The following DIAPH3 variants were observed in gnomAD, a reference collection of about 807,000 sequenced individuals.
The protein encoded by DIAPH3 is diaphanous related formin 3.
DIAPH3 carries 117 observed loss-of-function variants against 144.3 expected under a neutral mutation model. That is an observed-to-expected ratio of 0.81 (90% confidence interval 0.70 to 0.95). DIAPH3 has a LOEUF of 0.95. Ranked by LOEUF, DIAPH3 falls within the 40% of genes least tolerant of loss-of-function variation. DIAPH3 has a pLI of 0.00. For missense variants in DIAPH3, 1,421 were observed against 1,412.7 expected (o/e 1.01, Z -0.09); for synonymous variants, 519 against 488.9 (o/e 1.06, Z -0.81).
chr13:60,012,156 T>C (rs915331456), intron 7 of DIAPH3, among the ~76,000 whole-genome samples: 19 of 152,318 alleles, frequency 1.2e-4, no homozygotes, highest in Admixed American at 1.1e-3. Flanking sequence ...AGTACTTTGA[T>C]TGTGATAAAA....
intron 21 of DIAPH3, among the ~76,000 whole-genome samples, chr13:59,873,918 C>T (rs1040303184): frequency 1.3e-5 from 2 of 152,032 alleles, no homozygotes; most frequent in African/African-American, 4.8e-5. Flanking sequence ...GTGATAGGCC[C>T]GCCTCAGCCT....
At chr13:59,696,940 T>C (rs2033831249) in intron 27 of DIAPH3, among the ~76,000 whole-genome samples, 1 of 152,066 alleles carries the variant, frequency 6.6e-6, no homozygotes, top group South Asian at 2.1e-4. Context: ...TTCAAATGAA[T>C]TAGGGAATCA....
intron 9 of DIAPH3, among the ~76,000 whole-genome samples, chr13:59,995,102 C>CA (rs751814391): frequency 2.0e-5 from 3 of 151,702 alleles, no homozygotes; most frequent in Non-Finnish European, 4.4e-5. Context: ...AGCAGACATA[C>CA]AAAATGTAAG....
At chr13:59,951,015 T>C (rs2049068428) in intron 17 of DIAPH3, among the ~76,000 whole-genome samples, 1 of 152,146 alleles carries the variant, frequency 6.6e-6, no homozygotes. Context: ...AATGAATAAA[T>C]TATGGCAGCT....
rs1952415766 is a variant in DIAPH3, at chr13:60,163,743, C to A, written c.24G>T (p.Leu8=). MERHQPR[L]HHPAQGSAAG... is the part of the protein sequence containing the mutation. ...CGGCTGAGCCTTGGGCCGGGTGGTGCAGCCGCGGCTGGTGCCGTTCCATCT... is the reference window on the plus strand; with the variant it reads ...CGGCTGAGCCTTGGGCCGGGTGGTGAAGCCGCGGCTGGTGCCGTTCCATCT... The change falls in exon 1 of 28, where the codon CTG becomes CTT. Residue 8 remains leucine (L), a synonymous_variant. Coordinates refer to ENST00000400324, the MANE Select transcript of DIAPH3 (RefSeq NM_001042517.2). 3 of 1,600,920 alleles carry A rather than the reference C, an allele frequency of 1.9e-6. No homozygotes were observed.
intron 25 of DIAPH3, among the ~76,000 whole-genome samples, chr13:59,804,318 G>A (rs80040006): frequency 0.015 from 2,309 of 152,264 alleles, 53 homozygotes; most frequent in African/African-American, 0.051. Context: ...TCTAGTGACA[G>A]TTACCACAAT....
intron 17 of DIAPH3, among the ~76,000 whole-genome samples, chr13:59,938,583 T>A (rs2140367102): frequency 6.6e-6 from 1 of 151,828 alleles, no homozygotes; most frequent in East Asian, 1.9e-4. Flanking sequence ...CATTCTAGCC[T>A]GGGCAACAGA....
chr13:59,806,460 C>T (rs2040197884), intron 25 of DIAPH3, among the ~76,000 whole-genome samples: 1 of 151,986 alleles, frequency 6.6e-6, no homozygotes, highest in Admixed American at 6.5e-5. Flanking sequence ...TTACCAACTT[C>T]TGAGGATTTT....
intron 1 of DIAPH3, among the ~76,000 whole-genome samples, chr13:60,162,733 T>C (rs1790467575): frequency 6.6e-6 from 1 of 151,814 alleles, no homozygotes; most frequent in South Asian, 2.1e-4. Context: ...TTGTGAATCA[T>C]GACTTAAATT....
At chr13:59,917,984 T>C (rs1215697972) in intron 18 of DIAPH3, among the ~76,000 whole-genome samples, 1 of 125,704 alleles carries the variant, frequency 8.0e-6, no homozygotes, top group African/African-American at 3.0e-5. Context: ...GCAAAAAATA[T>C]AATCACTGAA....
At chr13:60,133,454 C>G (rs1256576599) in intron 1 of DIAPH3, among the ~76,000 whole-genome samples, 5 of 151,992 alleles carry the variant, frequency 3.3e-5, no homozygotes, top group Non-Finnish European at 5.9e-5. Context: ...CATTAGTATG[C>G]AGCATAATAG....
At chr13:60,160,889 G>A (rs113981430) in intron 1 of DIAPH3, among the ~76,000 whole-genome samples, 3 of 152,224 alleles carry the variant, frequency 2.0e-5, no homozygotes, top group African/African-American at 7.2e-5. Flanking sequence ...TATGGGAAGA[G>A]ATATCTAAGC....
intron 27 of DIAPH3, among the ~76,000 whole-genome samples, chr13:59,765,939 G>C (rs1243289163): frequency 2.6e-5 from 4 of 152,182 alleles, no homozygotes; most frequent in African/African-American, 4.8e-5. Context: ...CTCAGCTGCA[G>C]TAGGGTCCCC....
chr13:59,833,668 T>C (rs917397596), intron 23 of DIAPH3, among the ~76,000 whole-genome samples: 3 of 151,716 alleles, frequency 2.0e-5, no homozygotes, highest in East Asian at 1.9e-4. Context: ...AACAGTTAAA[T>C]TGGACATCTT....
chr13:60,013,996 CAACAAAAATCTCTTAA>C (rs1555356798), intron 7 of DIAPH3, among the ~76,000 whole-genome samples: 2 of 151,914 alleles, frequency 1.3e-5, no homozygotes, highest in Non-Finnish European at 2.9e-5. Context: ...AAACTACAAG[CAACAAAAATCTCTTAA>C]GAGAAAAATA....
chr13:59,890,958 T>C (rs1002213873), intron 20 of DIAPH3, among the ~76,000 whole-genome samples: 2 of 151,922 alleles, frequency 1.3e-5, no homozygotes, highest in African/African-American at 2.4e-5. Flanking sequence ...GAGCATGACA[T>C]AAAAGTGCAA....
intron 3 of DIAPH3, among the ~76,000 whole-genome samples, chr13:60,094,908 A>C (rs2058059585): frequency 6.6e-6 from 1 of 152,190 alleles, no homozygotes; most frequent in Non-Finnish European, 1.5e-5. Context: ...TAGAAACACA[A>C]ACATCCTGTT....
chr13:59,826,400 G>A (rs1236694872), intron 24 of DIAPH3, among the ~76,000 whole-genome samples: 6 of 148,602 alleles, frequency 4.0e-5, no homozygotes, highest in Non-Finnish European at 8.9e-5. Flanking sequence ...GACAAACAGA[G>A]AGCCAAATCA....
chr13:59,872,260 T>C (rs1048797033), intron 21 of DIAPH3, among the ~76,000 whole-genome samples: 2 of 152,196 alleles, frequency 1.3e-5, no homozygotes, highest in Admixed American at 6.5e-5. Context: ...CAAAACTTTA[T>C]AAGTTGTATT....
Sources: gnomAD v4.1 joint callset for allele counts (sites outside exome capture counted in the v4.1 genomes callset) on GRCh38, gnomAD v4.1.1 for gene constraint, MANE v1.5 for transcripts, NCBI Gene and HGNC (gene_info 2026-07-23, HGNC 2026-07-21) for gene names.